LINGO2: variants seen among roughly 807,000 people sequenced by gnomAD.
LINGO2 encodes leucine-rich repeat and immunoglobulin-like domain-containing nogo receptor-interacting protein 2.
Under a neutral mutation model 30.6 loss-of-function variants are expected in LINGO2, and 14 were observed. The ratio of observed to expected loss-of-function variants is 0.46; its 90% CI spans 0.30 to 0.72. LINGO2 has a LOEUF of 0.72. LINGO2 is among the 30% of genes least tolerant of loss of function. The pLI is 0.07. For synonymous variants in LINGO2, 317 were observed against 288.5 expected (o/e 1.10, Z -1.00); for missense variants, 729 against 751.7 (o/e 0.97, Z 0.35).
chr9:28,610,469 A>T (rs1482994922), intron 1 of LINGO2, among the ~76,000 whole-genome samples: 1 of 152,154 alleles, frequency 6.6e-6, no homozygotes, highest in Admixed American at 6.6e-5. Flanking sequence ...AGTGTTTGGG[A>T]GGTGATGAAG....
chr9:29,204,875 C>A, the LINGO2 span, among the ~76,000 whole-genome samples: 1 of 152,076 alleles, frequency 6.6e-6, no homozygotes, highest in Non-Finnish European at 1.5e-5. Context: ...ACATTTCTTC[C>A]AAGCTTAGAG....
At chr9:28,307,574 C>T (rs188676266) in intron 3 of LINGO2, among the ~76,000 whole-genome samples, 4 of 152,122 alleles carry the variant, frequency 2.6e-5, no homozygotes, top group South Asian at 4.2e-4. Flanking sequence ...TGGAAGTTCT[C>T]GCCAGGGCAA....
At chr9:29,106,015 A>G in the LINGO2 span, among the ~76,000 whole-genome samples, 1 of 152,182 alleles carries the variant, frequency 6.6e-6, no homozygotes, top group Non-Finnish European at 1.5e-5. Context: ...TGAGCAGGAG[A>G]CCTGCTAAAA....
chr9:28,578,159 CATG>C (rs994017306), intron 1 of LINGO2, among the ~76,000 whole-genome samples: 4 of 152,118 alleles, frequency 2.6e-5, no homozygotes, highest in African/African-American at 9.7e-5. Context: ...GTAATTTATA[CATG>C]ATGAAGAAGG....
chr9:28,189,337 A>AAGGAAGGAAGGG (rs1819680396), intron 4 of LINGO2, among the ~76,000 whole-genome samples: 1 of 16,254 alleles, frequency 6.2e-5, no homozygotes, highest in African/African-American at 2.5e-4. Context: ...GGGAGGAAGG[A>AAGGAAGGAAGGG]AGGAAGGGAG....
chr9:28,926,004 G>A, the LINGO2 span, among the ~76,000 whole-genome samples: 40 of 152,168 alleles, frequency 2.6e-4, no homozygotes, highest in East Asian at 1.9e-4. Flanking sequence ...CCTTTGATCT[G>A]GGTATTCTCT....
chr9:28,740,065 T>G, the LINGO2 span, among the ~76,000 whole-genome samples: 1 of 151,732 alleles, frequency 6.6e-6, no homozygotes, highest in African/African-American at 2.4e-5. Flanking sequence ...CCTTTTGTTT[T>G]TGATTTCTCA....
chr9:29,149,798 T>C, the LINGO2 span, among the ~76,000 whole-genome samples: 43 of 152,284 alleles, frequency 2.8e-4, no homozygotes, highest in African/African-American at 7.5e-4. Flanking sequence ...TAGATGCACA[T>C]CCGCTAACGT....
chr9:29,119,575 A>ATCTT, the LINGO2 span, among the ~76,000 whole-genome samples: 3 of 135,690 alleles, frequency 2.2e-5, no homozygotes, highest in African/African-American at 8.3e-5. Flanking sequence ...AACAGTTGTC[A>ATCTT]TCTTTTTTTT....
At chr9:28,096,164 G>T (rs1055436376) in intron 4 of LINGO2, among the ~76,000 whole-genome samples, 5 of 152,074 alleles carry the variant, frequency 3.3e-5, no homozygotes, top group African/African-American at 1.2e-4. Flanking sequence ...AAAAAGGATA[G>T]TTCTGTTGCC....
chr9:27,980,390 T>C (rs750380055), intron 5 of LINGO2, among the ~76,000 whole-genome samples: 4 of 151,932 alleles, frequency 2.6e-5, no homozygotes, highest in Admixed American at 6.6e-5. Flanking sequence ...AAAAACATGG[T>C]AAGGCACAGC....
chr9:29,150,996 A>T, the LINGO2 span, among the ~76,000 whole-genome samples: 3 of 152,232 alleles, frequency 2.0e-5, no homozygotes, highest in East Asian at 5.8e-4. Context: ...TATATATATT[A>T]AAAGGCATCT....
chr9:28,259,200 T>C (rs1822483712), intron 4 of LINGO2, among the ~76,000 whole-genome samples: 1 of 151,956 alleles, frequency 6.6e-6, no homozygotes, highest in South Asian at 2.1e-4. Flanking sequence ...AGAATGTACA[T>C]AATTTCTCTT....
At chr9:28,732,836 C>A in the LINGO2 span, among the ~76,000 whole-genome samples, 1 of 152,256 alleles carries the variant, frequency 6.6e-6, no homozygotes, top group South Asian at 2.1e-4. Context: ...TCTACACATT[C>A]CACTTTCTGA....
At chr9:29,079,839 G>C in the LINGO2 span, among the ~76,000 whole-genome samples, 2 of 151,814 alleles carry the variant, frequency 1.3e-5, no homozygotes, top group African/African-American at 2.4e-5. Flanking sequence ...AGCAGATAAA[G>C]TGAGACTATG....
the LINGO2 span, among the ~76,000 whole-genome samples, chr9:29,210,633 C>T: frequency 6.6e-6 from 1 of 152,138 alleles, no homozygotes; most frequent in Non-Finnish European, 1.5e-5. Context: ...TGAGATAATG[C>T]TATGTGTTAT....
At chr9:28,053,889 A>T (rs1824793266) in intron 4 of LINGO2, among the ~76,000 whole-genome samples, 1 of 152,100 alleles carries the variant, frequency 6.6e-6, no homozygotes, top group Non-Finnish European at 1.5e-5. Context: ...TGTCTTATCA[A>T]TAGCTAGCCA....
At chr9:29,037,615 A>T in the LINGO2 span, among the ~76,000 whole-genome samples, 1 of 151,980 alleles carries the variant, frequency 6.6e-6, no homozygotes, top group Non-Finnish European at 1.5e-5. Flanking sequence ...TCCAATTGGA[A>T]TGCATTTCAG....
At chr9:29,083,146 T>C in the LINGO2 span, among the ~76,000 whole-genome samples, 2 of 152,096 alleles carry the variant, frequency 1.3e-5, no homozygotes, top group African/African-American at 2.4e-5. Flanking sequence ...ATGTTTATTG[T>C]GGCACTATTC....
Sources: allele counts gnomAD v4.1 joint callset (sites outside exome capture counted in the v4.1 genomes callset), GRCh38; gene constraint gnomAD v4.1.1; transcripts MANE v1.5; gene names NCBI Gene and HGNC (gene_info 2026-07-23, HGNC 2026-07-21).